The following NPHP3 variants were observed in gnomAD, a reference collection of about 807,000 sequenced individuals.
NPHP3 encodes the protein nephrocystin 3, also known as nephrocystin-3.
A neutral mutation model predicts 171.9 loss-of-function variants in NPHP3; 123 were observed. The ratio of observed to expected loss-of-function variants is 0.72; its 90% confidence interval spans 0.62 to 0.83. The LOEUF is 0.83. NPHP3 is among the 40% of genes least tolerant of loss of function. The pLI is 0.00. For synonymous variants in NPHP3, 558 were observed against 579.2 expected, an observed-to-expected ratio of 0.96 and a Z score of 0.52; for missense variants, 1,506 against 1,591.9, an observed-to-expected ratio of 0.95 and a Z score of 0.92.
At position 132,699,934 on chromosome 3, in the gene NPHP3, G is replaced by A. The variant is rs1939561839; in HGVS notation, c.1871C>T (p.Ser624Phe). 4 of 1,613,958 alleles carry A rather than the reference G, an allele frequency of 2.5e-6. No individual in the cohort carries two copies. The highest frequency in any genetic ancestry group is 3.4e-6 in the Non-Finnish European group (4 of 1,180,018). ...HQGSIIIVID[S>F]IDQVQQVEKH... ...AAACGGTACCTGAACTTGATCTATAGAATCAATAACGATGATGATGCTGCC... is the reference window on the plus strand; with the variant it reads ...AAACGGTACCTGAACTTGATCTATAAAATCAATAACGATGATGATGCTGCC... Residue 624 changes from serine (S) to phenylalanine (F), a missense_variant, in exon 12 of 27, where the codon TCT becomes TTT. Transcript: ENST00000337331.
At chr3:132,697,173 C>T (rs1431551653) in intron 14 of NPHP3, 87 bp downstream of exon 14, 11 of 910,190 alleles carry the variant, frequency 1.2e-5, no homozygotes, top group Non-Finnish European at 2.0e-5. Context: ...ATAACAGATC[C>T]CCTATATTGA....
intron 10 of NPHP3, 59 bp downstream of exon 10, chr3:132,701,371 T>A: frequency 8.4e-7 from 1 of 1,194,170 alleles, no homozygotes; most frequent in Non-Finnish European, 1.2e-6. Flanking sequence ...ATACATTTTG[T>A]TGAATAGATT....
chr3:132,696,569 C>A (rs1939458900), intron 15 of NPHP3, among the ~76,000 whole-genome samples, 162 bp downstream of exon 15: 2 of 152,110 alleles, frequency 1.3e-5, no homozygotes, highest in South Asian at 4.2e-4. Flanking sequence ...ACAGTAGGCA[C>A]CTGTAAGCCA....
intron 10 of NPHP3, 24 bp downstream of exon 10, chr3:132,701,406 T>G: frequency 6.9e-7 from 1 of 1,458,426 alleles, no homozygotes; most frequent in Non-Finnish European, 9.6e-7. Context: ...ATGACAACAA[T>G]AATTTAATTG....
At chr3:132,714,810 C>T (rs1012054712) in intron 5 of NPHP3, among the ~76,000 whole-genome samples, 1 of 152,118 alleles carries the variant, frequency 6.6e-6, no homozygotes, top group Non-Finnish European at 1.5e-5. Flanking sequence ...CTAACTAAAA[C>T]GAGTTAAAAC....
intron 26 of NPHP3, 85 bp from the exon 27 acceptor site, chr3:132,682,175 A>C (rs535435901): frequency 7.8e-7 from 1 of 1,284,664 alleles, no homozygotes; most frequent in African/African-American, 1.5e-5. Context: ...CAGAAAAAGA[A>C]GCTGTAAATA....
At chr3:132,701,806 AG>A (rs1438085321) in intron 9 of NPHP3, among the ~76,000 whole-genome samples, 1 of 152,140 alleles carries the variant, frequency 6.6e-6, no homozygotes, top group Non-Finnish European at 1.5e-5. Flanking sequence ...GTGGATCATG[AG>A]GTCAGGAGAT....
chr3:132,709,473 G>C (rs1939851904), intron 6 of NPHP3, among the ~76,000 whole-genome samples: 1 of 151,778 alleles, frequency 6.6e-6, no homozygotes, highest in Non-Finnish European at 1.5e-5. Flanking sequence ...TGTAGAGATG[G>C]GGTTTCACCA....
At chr3:132,718,052 C>A (rs1251311051) in intron 3 of NPHP3, 14 of 391,130 alleles carry the variant, frequency 3.6e-5, no homozygotes, top group Non-Finnish European at 5.7e-5. Context: ...CCGTGCCCGG[C>A]CTTCATTTTT....
chr3:132,682,480 C>T lies in NPHP3; in HGVS notation c.3812+223G>A, dbSNP rs989650650. On this transcript the variant is annotated intron_variant, in intron 26 of 26. Transcript: ENST00000337331. ...GCCAGATGTAGTATAAACCATCCTT[C>T]ACTGTTTGCCATGATGCATACATAT... The T allele has an allele frequency of 2.4e-5, 14 of 580,740 alleles. No individual in the cohort carries two copies. The Admixed American group carries it at 3.9e-4, about 16-fold the overall frequency. 36.0% of individuals were successfully genotyped at this position (580,740 alleles called of 1,614,324 possible). A position where few individuals can be genotyped will look rare whatever the true frequency, so the allele number is the denominator to read the frequency against.
At chr3:132,684,288 T>C (rs1398544004) in intron 24 of NPHP3, among the ~76,000 whole-genome samples, 3 of 152,196 alleles carry the variant, frequency 2.0e-5, no homozygotes, top group Admixed American at 1.3e-4. Flanking sequence ...AATAAATGCA[T>C]TTGTACTTGG....
intron 12 of NPHP3, 91 bp downstream of exon 12, chr3:132,699,827 T>C (rs1939558794): frequency 7.3e-7 from 1 of 1,374,662 alleles, no homozygotes; most frequent in South Asian, 1.2e-5. Flanking sequence ...TCATATTTTC[T>C]TCTCACAAAC....
chr3:132,703,579 CTT>C (rs747062922), intron 9 of NPHP3, among the ~76,000 whole-genome samples: 56 of 130,924 alleles, frequency 4.3e-4, no homozygotes, highest in Non-Finnish European at 5.0e-4. Context: ...TTCTTTCTTT[CTT>C]TTTTTTTTTT....
chr3:132,716,664 CT>C, intron 4 of NPHP3, 92 bp downstream of exon 4: 4 of 1,389,144 alleles, frequency 2.9e-6, no homozygotes, highest in Non-Finnish European at 4.1e-6. Context: ...AAATTTCATG[CT>C]TTGCTAATGG....
chr3:132,716,714 G>C (rs1415074058), intron 4 of NPHP3, 43 bp downstream of exon 4: 2 of 1,595,796 alleles, frequency 1.3e-6, no homozygotes, highest in Non-Finnish European at 1.7e-6. Context: ...AACATGAACA[G>C]TCACTACCAC....
intron 6 of NPHP3, among the ~76,000 whole-genome samples, chr3:132,709,014 T>C (rs1421380543): frequency 6.6e-6 from 1 of 152,094 alleles, no homozygotes; most frequent in Non-Finnish European, 1.5e-5. Flanking sequence ...TTTTGAGAGT[T>C]TTCTCTTTCC....
rs776019324 is a variant in NPHP3, at chr3:132,716,927, T to C, written c.671-18A>G. 5 of 1,612,592 alleles carry C rather than the reference T, an allele frequency of 3.1e-6. No individual in the cohort carries two copies. The African/African-American group carries it at 6.7e-5, about 22-fold the overall frequency. Reference sequence around the variant, plus strand: ...TCCAGCAGCTGTTCAGCAAGAGATTTTTATCTTGTGAAAGCCAACTTATTG... The same window carrying C: ...TCCAGCAGCTGTTCAGCAAGAGATTCTTATCTTGTGAAAGCCAACTTATTG... On this transcript the variant is annotated intron_variant, in intron 3 of 26. Transcript: ENST00000337331.
In NPHP3 at chr3:132,692,660, A is replaced by G; in HGVS notation, c.2469T>C (p.His823=). ...TYGCGLLRFQ[H]LQAWETVRLE... Reference sequence around the variant, plus strand: ...ATGCCTAAAATAACATTACCTGCAGATGTTGAAACCTAAGCAAGCCACATC... The same window carrying G: ...ATGCCTAAAATAACATTACCTGCAGGTGTTGAAACCTAAGCAAGCCACATC... The change falls in exon 17 of 27, where the codon CAT becomes CAC. Residue 823 remains histidine, a synonymous_variant. Transcript: ENST00000337331. The G allele has an allele frequency of 6.2e-7, 1 of 1,613,724 alleles. No individual in the cohort carries two copies. The highest frequency in any genetic ancestry group is 2.2e-5 in the East Asian group (1 of 44,830).
chr3:132,712,792 T>C (rs1939950004), intron 6 of NPHP3, among the ~76,000 whole-genome samples: 1 of 151,590 alleles, frequency 6.6e-6, no homozygotes. Context: ...AAAATTTATA[T>C]ATATATGAAT....
Sources: allele counts gnomAD v4.1 joint callset (sites outside exome capture counted in the v4.1 genomes callset), GRCh38; gene constraint gnomAD v4.1.1; transcripts MANE v1.5; gene names NCBI Gene and HGNC (gene_info 2026-07-23, HGNC 2026-07-21).